The following CELF4 variants were observed in gnomAD, a reference collection of about 807,000 sequenced individuals.
The protein encoded by CELF4 is CUG-BP- and ETR-3-like factor 4.
Under a neutral mutation model 59.9 loss-of-function variants are expected in CELF4, and 18 were observed. The observed-to-expected ratio is 0.30, with a 90% CI of 0.21 to 0.45. The LOEUF is 0.45. CELF4 is among the 20% of genes least tolerant of loss of function. CELF4 has a pLI of 1.00. For synonymous variants in CELF4, 261 were observed against 267.1 expected (o/e 0.98, Z 0.22); for missense variants, 456 against 689.0 (o/e 0.66, Z 3.79).
chr18:37,410,797 T>G (rs1420318738), intron 2 of CELF4, among the ~76,000 whole-genome samples: 1 of 152,194 alleles, frequency 6.6e-6, no homozygotes, highest in Non-Finnish European at 1.5e-5. Flanking sequence ...GGTGGACATG[T>G]GCCTGTAAAA....
intron 2 of CELF4, among the ~76,000 whole-genome samples, chr18:37,339,009 C>T (rs2097890967): frequency 6.6e-6 from 1 of 152,202 alleles, no homozygotes; most frequent in Non-Finnish European, 1.5e-5. Context: ...CATCCTGGTC[C>T]CAGAGCCCAG....
intron 2 of CELF4, among the ~76,000 whole-genome samples, chr18:37,435,609 G>C (rs569806936): frequency 3.0e-4 from 45 of 152,276 alleles, no homozygotes; most frequent in Non-Finnish European, 5.9e-4. Flanking sequence ...CAGGATCTCA[G>C]CAACACCCAC....
chr18:37,458,292 C>A (rs2099784244), intron 2 of CELF4, among the ~76,000 whole-genome samples: 1 of 152,290 alleles, frequency 6.6e-6, no homozygotes, highest in Middle Eastern at 3.4e-3. Context: ...CCTAGCACCA[C>A]CCCTGAGTTT....
At chr18:37,558,584 C>T (rs114223417) in intron 1 of CELF4, among the ~76,000 whole-genome samples, 3,846 of 150,344 alleles carry the variant, frequency 0.026, 200 homozygotes, top group African/African-American at 0.089. Context: ...CTCTGTTCTA[C>T]TCCCCTAGGC....
chr18:37,353,037 C>T lies in CELF4; in HGVS notation c.370-31156G>A, dbSNP rs560752137. Among the ~76,000 whole-genome samples, 465 of 151,932 alleles carry T rather than the reference C, an allele frequency of 3.1e-3. 2 individuals carry two copies. Among genetic ancestry groups the T allele is most frequent in the Middle Eastern group, 3.4e-3 (1 of 294 alleles). ...GAGATCGAGACCATCCTGGCTAACA[C>T]GGTGAAACCCTGTCTCTACTAAAAA... On this transcript the variant is annotated intron_variant, in intron 2 of 12. Coordinates refer to ENST00000420428, the MANE Select transcript of CELF4 (RefSeq NM_020180.4).
At chr18:37,500,541 T>A (rs1378457975) in intron 1 of CELF4, among the ~76,000 whole-genome samples, 2 of 150,304 alleles carry the variant, frequency 1.3e-5, no homozygotes, top group East Asian at 3.9e-4. Context: ...CTTTTTCTTT[T>A]TTTTTTTTTT....
intron 2 of CELF4, among the ~76,000 whole-genome samples, chr18:37,454,220 GT>G (rs1157687121): frequency 1.3e-5 from 2 of 152,214 alleles, no homozygotes; most frequent in African/African-American, 2.4e-5. Flanking sequence ...ATCCCAACAG[GT>G]GGGCAGTAGT....
rs1400297451 is a variant in CELF4, at chr18:37,565,665, T to C, written c.-24A>G. 9.6e-6 allele frequency: 15 copies of C among 1,556,696 alleles called. No individual in the cohort carries two copies. The highest frequency in any genetic ancestry group is 1.3e-5 in the Non-Finnish European group (15 of 1,151,058). On this transcript the variant is annotated 5_prime_UTR_variant, in exon 1 of 13. Coordinates refer to ENST00000420428, the MANE Select transcript of CELF4 (RefSeq NM_020180.4). The stretch of plus-strand genomic sequence containing the variant: ...ATAGAGAAAATCTTCTTTCCTTTTA[T>C]TCTTTCTCGCTCACACTCTCTCGCT...
intron 3 of CELF4, among the ~76,000 whole-genome samples, chr18:37,288,423 C>CA (rs2095023193): frequency 6.6e-6 from 1 of 152,226 alleles, no homozygotes; most frequent in Non-Finnish European, 1.5e-5. Context: ...TGGCAGCACA[C>CA]ACCATGGGCC....
chr18:37,395,743 T>C (rs1008120644), intron 2 of CELF4, among the ~76,000 whole-genome samples: 2 of 152,168 alleles, frequency 1.3e-5, no homozygotes, highest in African/African-American at 4.8e-5. Context: ...GCTTGCCAGG[T>C]GCTGAGAACT....
At chr18:37,282,634 T>C (rs1324390564) in intron 3 of CELF4, among the ~76,000 whole-genome samples, 1 of 151,014 alleles carries the variant, frequency 6.6e-6, no homozygotes, top group East Asian at 1.9e-4. Flanking sequence ...ATGCAGTGGA[T>C]AGGGACAGGG....
intron 1 of CELF4, chr18:37,528,906 T>C (rs1445226513): frequency 3.3e-5 from 5 of 152,068 alleles, no homozygotes; most frequent in African/African-American, 1.2e-4. Flanking sequence ...TTCTGTAAAT[T>C]GGTAACTTGG....
At chr18:37,559,652 A>C (rs970427898) in intron 1 of CELF4, among the ~76,000 whole-genome samples, 1 of 152,078 alleles carries the variant, frequency 6.6e-6, no homozygotes, top group Admixed American at 6.5e-5. Flanking sequence ...TCCTGATGAC[A>C]TGGAAGGTGT....
intron 2 of CELF4, among the ~76,000 whole-genome samples, chr18:37,326,879 A>C (rs1192671354): frequency 1.3e-5 from 2 of 152,206 alleles, no homozygotes; most frequent in Non-Finnish European, 2.9e-5. Flanking sequence ...CATGCATTAA[A>C]CAAGACATTC....
intron 2 of CELF4, among the ~76,000 whole-genome samples, chr18:37,369,025 G>C (rs191989020): frequency 2.0e-5 from 3 of 152,302 alleles, no homozygotes; most frequent in Admixed American, 2.0e-4. Flanking sequence ...GCAGCTCTAA[G>C]GTGGATTCCA....
At chr18:37,523,357 C>T (rs779306672) in intron 1 of CELF4, among the ~76,000 whole-genome samples, 2 of 152,210 alleles carry the variant, frequency 1.3e-5, no homozygotes, top group Non-Finnish European at 2.9e-5. Flanking sequence ...AATTCCTTCA[C>T]ATCTCTTACC....
intron 1 of CELF4, among the ~76,000 whole-genome samples, chr18:37,506,918 G>A (rs1482614155): frequency 3.3e-5 from 5 of 152,174 alleles, no homozygotes; most frequent in African/African-American, 1.2e-4. Context: ...CTGGAAGGGG[G>A]TCAGGCACCC....
chr18:37,448,208 C>G (rs529129156), intron 2 of CELF4, among the ~76,000 whole-genome samples: 7 of 152,356 alleles, frequency 4.6e-5, no homozygotes, highest in Non-Finnish European at 8.8e-5. Context: ...GAGTGGGTCT[C>G]TTGTCACTGA....
intron 3 of CELF4, among the ~76,000 whole-genome samples, chr18:37,303,107 G>T (rs1272663449): frequency 6.6e-6 from 1 of 152,160 alleles, no homozygotes; most frequent in Non-Finnish European, 1.5e-5. Flanking sequence ...AAGTACCATT[G>T]TTCTCAGCAC....
Sources: gnomAD v4.1 joint callset for allele counts (sites outside exome capture counted in the v4.1 genomes callset) on GRCh38, gnomAD v4.1.1 for gene constraint, MANE v1.5 for transcripts, NCBI Gene and HGNC (gene_info 2026-07-23, HGNC 2026-07-21) for gene names.